TRIP11: variants seen among roughly 807,000 people sequenced by gnomAD.
The protein encoded by TRIP11 is thyroid receptor-interacting protein 11.
In TRIP11, 148 loss-of-function variants were observed where a neutral mutation model predicts 223.1. That is an observed-to-expected ratio of 0.66 (90% confidence interval 0.58 to 0.76). TRIP11 has a LOEUF of 0.76. Ranked by LOEUF, TRIP11 falls within the 30% of genes least tolerant of loss-of-function variation. The probability of loss-of-function intolerance (pLI) is 0.00; values close to 1 mark genes in which losing one functional copy is unlikely to be tolerated. For missense variants in TRIP11, 2,043 were observed against 2,222.0 expected (o/e 0.92, Z 1.62); for synonymous variants, 762 against 772.6 (o/e 0.99, Z 0.23).
At chr14:91,982,734 G>C (rs980698934) in intron 16 of TRIP11, among the ~76,000 whole-genome samples, 2 of 152,202 alleles carry the variant, frequency 1.3e-5, no homozygotes, top group African/African-American at 4.8e-5. Flanking sequence ...GCAGCTGGGC[G>C]GAGCTGAGAA....
intron 15 of TRIP11, 46 bp downstream of exon 15, chr14:91,993,763 G>T: frequency 7.0e-7 from 1 of 1,434,074 alleles, no homozygotes; most frequent in Non-Finnish European, 9.8e-7. Context: ...ACAAGTAACT[G>T]TTCCATGAAT....
At chr14:92,011,666 C>CA in intron 8 of TRIP11, 89 bp downstream of exon 8, 1 of 1,052,378 alleles carries the variant, frequency 9.5e-7, no homozygotes, top group Non-Finnish European at 1.4e-6. Context: ...CTTTGAATCT[C>CA]TTAAGGAAAA....
chr14:91,975,142 G>T, intron 18 of TRIP11, 30 bp downstream of exon 18: 1 of 1,556,506 alleles, frequency 6.4e-7, no homozygotes, highest in South Asian at 1.1e-5. Context: ...GATTATGAAT[G>T]TGTTCAGATG....
At position 91,999,400 on chromosome 14, in the gene TRIP11, T is replaced by G. The variant is rs757220914; in HGVS notation, c.4732A>C (p.Asn1578His). Residue 1578 changes from asparagine (N) to histidine (H), a missense_variant, in exon 13 of 21, where the codon AAC (asparagine) becomes CAC (histidine). Coordinates refer to ENST00000267622, the MANE Select transcript of TRIP11 (RefSeq NM_004239.4). Reference sequence around the variant, plus strand: ...TTACGCAATCTCTCTAGCTCTTGGTTTGAACGAAATTCTTTGTCACGTAAA... The same window carrying G: ...TTACGCAATCTCTCTAGCTCTTGGTGTGAACGAAATTCTTTGTCACGTAAA... ...QRLRDKEFRS[N>H]QELERLRNHL... 1.2e-5 allele frequency: 19 copies of G among 1,613,862 alleles called. No individual in the cohort carries two copies. Among genetic ancestry groups the G allele is most frequent in the Non-Finnish European group, 1.6e-5 (19 of 1,179,894 alleles).
At chr14:91,971,967 AAACATATTAGTCTATT>A (rs1208049088) in intron 20 of TRIP11, among the ~76,000 whole-genome samples, 1 of 152,104 alleles carries the variant, frequency 6.6e-6, no homozygotes, top group East Asian at 1.9e-4. Context: ...TCCAATTAGT[AAACATATTAGTCTATT>A]AAAATATGAA....
chr14:91,995,246 A>G, intron 14 of TRIP11, 106 bp downstream of exon 14: 1 of 1,380,308 alleles, frequency 7.2e-7, no homozygotes, highest in Non-Finnish European at 1.0e-6. Context: ...CCAGTGGGTA[A>G]CCTTTCAGAG....
Position 92,006,466 on chromosome 14 carries a change from A to G in TRIP11, c.1528-18T>C, listed in dbSNP as rs777639445. 3 of 1,610,834 alleles carry G rather than the reference A, an allele frequency of 1.9e-6. No individual in the cohort carries two copies. The South Asian group carries it at 3.3e-5, about 18-fold the overall frequency. ...ATCATGTGCTGAAAGAAAAATTTGC[A>G]TGGTGACTTTACAACATGTTCTCAT... On this transcript the variant is annotated intron_variant, in intron 10 of 20. Transcript: ENST00000267622.
chr14:91,993,963 T>C lies in TRIP11; in HGVS notation c.5057-51A>G, dbSNP rs187578472. On this transcript the variant is annotated intron_variant, in intron 14 of 20. Coordinates refer to ENST00000267622, the MANE Select transcript of TRIP11 (RefSeq NM_004239.4). ...AGTATTTTGCAATCGTGTGTTAAGT[T>C]AGAATGTTAAGCCATTTTAAATTTT... The C allele has an allele frequency of 1.4e-3, 2,047 of 1,413,044 alleles. 1 individual carries two copies. Among genetic ancestry groups the C allele is most frequent in the Middle Eastern group, 3.6e-3 (16 of 4,434 alleles). 87.5% of individuals were successfully genotyped at this position (1,413,044 alleles called of 1,614,324 possible).
intron 4 of TRIP11, 76 bp from the exon 5 acceptor site, chr14:92,017,826 T>C: frequency 2.4e-6 from 3 of 1,267,366 alleles, no homozygotes; most frequent in East Asian, 4.8e-5. Flanking sequence ...CTAACTTCAT[T>C]ACAAGAATAC....
chr14:91,987,832 C>T (rs2056621527), intron 16 of TRIP11, among the ~76,000 whole-genome samples: 1 of 152,150 alleles, frequency 6.6e-6, no homozygotes, highest in Admixed American at 6.6e-5. Context: ...ACATGATGCA[C>T]CTGTGGTAAA....
In TRIP11 at chr14:92,005,799, C is replaced by T; in HGVS notation, c.2177G>A (p.Cys726Tyr). 1 of 1,614,102 alleles carries T rather than the reference C, an allele frequency of 6.2e-7. No individual in the cohort carries two copies. Residue 726 changes from cysteine to tyrosine, a missense_variant, in exon 11 of 21, where the codon TGT becomes TAT. Coordinates refer to ENST00000267622, the MANE Select transcript of TRIP11 (RefSeq NM_004239.4). The stretch of plus-strand genomic sequence containing the variant: ...TTCCAACAGCCTCTTTTTAGCCCAA[C>T]ACAATTCTGCCTCTATCTCTCCTTT... ...MEKGEIEAEL[C>Y]WAKKRLLEEA...
chr14:92,014,127 A>G, intron 7 of TRIP11, 88 bp downstream of exon 7: 2 of 1,547,684 alleles, frequency 1.3e-6, no homozygotes, highest in East Asian at 4.6e-5. Context: ...CATTTCCACT[A>G]AGTATTCAGT....
intron 16 of TRIP11, among the ~76,000 whole-genome samples, chr14:91,979,105 A>C (rs2140087441): frequency 6.6e-6 from 1 of 152,186 alleles, no homozygotes; most frequent in South Asian, 2.1e-4. Context: ...AGAAATACAA[A>C]AATTAGTCGG....
rs572964348 is a variant in TRIP11 at position 91,976,280 on chromosome 14, A to G, written c.5261-91T>C. ...TGAAATTTATGAGATCTTTATTATA[A>G]CCTCTGAATATATACACTTATTCTA... is the stretch of plus-strand genomic sequence containing the variant. On this transcript the variant is annotated intron_variant, in intron 16 of 20. Coordinates refer to ENST00000267622, the MANE Select transcript of TRIP11 (RefSeq NM_004239.4). The G allele has an allele frequency of 4.9e-6, 5 of 1,016,748 alleles. No homozygotes were observed. In the African/African-American group the frequency reaches 6.4e-5, roughly 13 times the overall value. 63.0% of individuals were successfully genotyped at this position (1,016,748 alleles called of 1,614,324 possible). A position where few individuals can be genotyped will look rare whatever the true frequency, so the allele number is the denominator to read the frequency against.
chr14:91,969,664 G>C lies in TRIP11; in HGVS notation c.*9C>G, dbSNP rs373269085. On this transcript the variant is annotated 3_prime_UTR_variant, in exon 21 of 21. Transcript: ENST00000267622. ...TAAAGTGCTAGATTGTCTCTGGCTT[G>C]AGAATCATCTATTGCTTTAAAAGGT... 9 of 1,611,236 alleles carry C rather than the reference G, an allele frequency of 5.6e-6. No homozygotes were observed. Among genetic ancestry groups the C allele is most frequent in the Non-Finnish European group, 7.6e-6 (9 of 1,179,232 alleles).
intron 2 of TRIP11, among the ~76,000 whole-genome samples, chr14:92,025,878 C>CAAAAAAAA (rs372915026): frequency 4.1e-5 from 3 of 74,058 alleles, no homozygotes; most frequent in African/African-American, 9.3e-5. Flanking sequence ...GACTCCGTCT[C>CAAAAAAAA]AAAAAAAAAA....
chr14:91,987,975 G>A (rs1415652970), intron 16 of TRIP11, among the ~76,000 whole-genome samples: 2 of 152,146 alleles, frequency 1.3e-5, no homozygotes, highest in African/African-American at 2.4e-5. Context: ...AACTGATAAG[G>A]GAGAAATCAT....
At chr14:92,008,177 C>A (rs190175000) in intron 9 of TRIP11, among the ~76,000 whole-genome samples, 2 of 152,122 alleles carry the variant, frequency 1.3e-5, no homozygotes, top group Non-Finnish European at 2.9e-5. Context: ...CCGTGGCTAC[C>A]CTTTATCCAT....
At chr14:91,983,232 C>T (rs930389764) in intron 16 of TRIP11, among the ~76,000 whole-genome samples, 26 of 152,302 alleles carry the variant, frequency 1.7e-4, no homozygotes, top group African/African-American at 6.3e-4. Flanking sequence ...TGTAAACCTC[C>T]TGAAGGCAGG....
Sources: gnomAD v4.1 joint callset for allele counts (sites outside exome capture counted in the v4.1 genomes callset) on GRCh38, gnomAD v4.1.1 for gene constraint, MANE v1.5 for transcripts, NCBI Gene and HGNC (gene_info 2026-07-23, HGNC 2026-07-21) for gene names.